Variants in RFT1 observed in about 807,000 individuals in gnomAD.
RFT1 encodes the protein RFT1 glycolipid translocator homolog.
In RFT1, 43 loss-of-function variants were observed where a neutral mutation model predicts 62.2. That is an observed-to-expected ratio of 0.69 (90% confidence interval 0.54 to 0.89). RFT1 has a LOEUF of 0.89. Among genes scored for constraint, RFT1 ranks in the 40% least tolerant of loss-of-function variants. The pLI is 0.00. For missense variants in RFT1, 605 were observed against 649.9 expected, an observed-to-expected ratio of 0.93 and a Z score of 0.75; for synonymous variants, 262 against 264.6, an observed-to-expected ratio of 0.99 and a Z score of 0.10.
chr3:53,078,653 G>A, the RFT1 span, among the ~76,000 whole-genome samples: 1 of 152,128 alleles, frequency 6.6e-6, no homozygotes, highest in South Asian at 2.1e-4. Context: ...GAGGCTAGAG[G>A]ATCACTTGAG....
intron 10 of RFT1, chr3:53,103,008 A>G (rs923721080): frequency 1.4e-5 from 10 of 721,530 alleles, no homozygotes; most frequent in Non-Finnish European, 1.5e-5. Context: ...CAGCTGCCAG[A>G]TGGAAATACA....
At chr3:53,096,186 C>A (rs1701133061) in intron 11 of RFT1, among the ~76,000 whole-genome samples, 1 of 152,122 alleles carries the variant, frequency 6.6e-6, no homozygotes, top group Non-Finnish European at 1.5e-5. Context: ...CCGTCAGCTC[C>A]AGGAGAGCAG....
intron 11 of RFT1, 36 bp from the exon 12 acceptor site, chr3:53,092,654 CCTTGCCCTGGACAAG>C (rs944875024): frequency 6.3e-7 from 1 of 1,579,700 alleles, no homozygotes; most frequent in Non-Finnish European, 8.6e-7. Flanking sequence ...GCAGTGGTGA[CCTTGCCCTGGACAAG>C]GCTGCTCCCA....
At chr3:53,073,801 G>T in the RFT1 span, among the ~76,000 whole-genome samples, 2 of 152,286 alleles carry the variant, frequency 1.3e-5, no homozygotes, top group East Asian at 3.9e-4. Flanking sequence ...AATGCTCGGG[G>T]AGCTCCCAAC....
Position 53,091,650 on chromosome 3 carries a change from A to G in RFT1, c.*253T>C. On this transcript the variant is annotated 3_prime_UTR_variant, in exon 13 of 13. Transcript: ENST00000296292. ...ATTAGTAAAAGAGAAAATGCTGATT[A>G]CTATAAAATGATAAAAAACTATTAT... The G allele has an allele frequency of 1.9e-6, 1 of 514,390 alleles. No individual in the cohort carries two copies. The highest frequency in any genetic ancestry group is 3.6e-5 in the East Asian group (1 of 27,982). 31.9% of individuals were successfully genotyped at this position (514,390 alleles called of 1,614,324 possible).
intron 10 of RFT1, among the ~76,000 whole-genome samples, chr3:53,101,710 G>A (rs527612086): frequency 6.6e-6 from 1 of 152,260 alleles, no homozygotes; most frequent in South Asian, 2.1e-4. Context: ...ATTAGGGCAG[G>A]CCCTGATCCT....
At chr3:53,125,243 G>A (rs1003203429) in intron 2 of RFT1, among the ~76,000 whole-genome samples, 1 of 152,204 alleles carries the variant, frequency 6.6e-6, no homozygotes, top group East Asian at 1.9e-4. Flanking sequence ...TTATTTATCA[G>A]GACATGAAGA....
intron 7 of RFT1, among the ~76,000 whole-genome samples, chr3:53,108,519 G>A (rs1226922820): frequency 6.6e-6 from 1 of 151,472 alleles, no homozygotes; most frequent in Non-Finnish European, 1.5e-5. Context: ...CTCCTGAGTA[G>A]CTGGGATTAC....
At chr3:53,113,313 T>C (rs1434309265) in intron 6 of RFT1, among the ~76,000 whole-genome samples, 1 of 152,176 alleles carries the variant, frequency 6.6e-6, no homozygotes. Flanking sequence ...CCATGCCTGG[T>C]TGATGTTAGG....
At chr3:53,126,128 T>C (rs1181301290) in intron 1 of RFT1, 134 bp from the exon 2 acceptor site, 2 of 686,092 alleles carry the variant, frequency 2.9e-6, no homozygotes, top group African/African-American at 1.8e-5. Flanking sequence ...GAGACTCTCC[T>C]CTAAGACGCC....
intron 2 of RFT1, among the ~76,000 whole-genome samples, chr3:53,124,759 C>G: frequency 6.6e-6 from 1 of 152,106 alleles, no homozygotes. Flanking sequence ...ATCACTTGAG[C>G]CCAGGAGTTC....
chr3:53,124,327 T>TGCCTGGGTACCTCCCAGGTGGGCAGC (rs1702051657), intron 2 of RFT1, among the ~76,000 whole-genome samples: 1 of 152,168 alleles, frequency 6.6e-6, no homozygotes, highest in African/African-American at 2.4e-5. Context: ...CAGCAAGGCG[T>TGCCTGGGTACCTCCCAGGTGGGCAGC]GCCTGGGTAC....
chr3:53,073,844 C>G, the RFT1 span, among the ~76,000 whole-genome samples: 7 of 152,224 alleles, frequency 4.6e-5, no homozygotes, highest in African/African-American at 1.4e-4. Flanking sequence ...GACCACAAAG[C>G]TCTAGGGAAG....
intron 11 of RFT1, among the ~76,000 whole-genome samples, chr3:53,097,399 G>T (rs1266001811): frequency 6.6e-6 from 1 of 152,336 alleles, no homozygotes; most frequent in East Asian, 1.9e-4. Context: ...TCTTAGGGGA[G>T]GTGAGTTACC....
At chr3:53,097,952 T>C (rs1701190771) in intron 11 of RFT1, among the ~76,000 whole-genome samples, 1 of 152,208 alleles carries the variant, frequency 6.6e-6, no homozygotes, top group Non-Finnish European at 1.5e-5. Context: ...TTTAAAACTA[T>C]GGGTTGTGAC....
rs932872252 is a variant in RFT1, at chr3:53,090,840, G to A, written c.*1063C>T. ...TCACCTGCAGTGTGCAGGCTGCAAG[G>A]TGCAGAACACCTGGGCTCACACTGT... is the stretch of plus-strand genomic sequence containing the variant. On this transcript the variant is annotated 3_prime_UTR_variant, in exon 13 of 13. Transcript: ENST00000296292. 4 of 152,204 alleles carry A rather than the reference G, an allele frequency of 2.6e-5. No individual in the cohort carries two copies. The highest frequency in any genetic ancestry group is 4.1e-4 in the South Asian group (2 of 4,832). 9.4% of individuals were successfully genotyped at this position (152,204 alleles called of 1,614,324 possible). A position where few individuals can be genotyped will look rare whatever the true frequency, so the allele number is the denominator to read the frequency against.
chr3:53,115,331 A>G (rs1701762636), intron 6 of RFT1, among the ~76,000 whole-genome samples: 1 of 152,204 alleles, frequency 6.6e-6, no homozygotes, highest in African/African-American at 2.4e-5. Flanking sequence ...TCATGGAGCC[A>G]GTATGAGGAC....
intron 6 of RFT1, among the ~76,000 whole-genome samples, chr3:53,114,402 G>C (rs1333443562): frequency 1.3e-5 from 2 of 152,160 alleles, no homozygotes; most frequent in African/African-American, 4.8e-5. Flanking sequence ...TAATCTGAGA[G>C]CTCATACTTG....
At chr3:53,104,409 A>C (rs1006318948) in intron 9 of RFT1, among the ~76,000 whole-genome samples, 1 of 151,750 alleles carries the variant, frequency 6.6e-6, no homozygotes, top group Non-Finnish European at 1.5e-5. Flanking sequence ...TTAAATAGAA[A>C]TAGAGAAGGG....
Sources: allele counts gnomAD v4.1 joint callset (sites outside exome capture counted in the v4.1 genomes callset), GRCh38; gene constraint gnomAD v4.1.1; transcripts MANE v1.5; gene names NCBI Gene and HGNC (gene_info 2026-07-23, HGNC 2026-07-21).